The following MICAL3 variants were observed in gnomAD, a reference collection of about 807,000 sequenced individuals.
MICAL3 encodes the protein microtubule associated monooxygenase, calponin and LIM domain containing 3, also known as [F-actin]-monooxygenase MICAL3.
In MICAL3, 62 loss-of-function variants were observed where a neutral mutation model predicts 207.4. The ratio of observed to expected loss-of-function variants is 0.30; its 90% CI spans 0.24 to 0.37. The LOEUF is 0.37. Ranked by LOEUF, MICAL3 falls within the 10% of genes least tolerant of loss-of-function variation. The pLI is 1.00. For synonymous variants in MICAL3, 1,077 were observed against 1,069.3 expected (o/e 1.01, Z -0.14); for missense variants, 2,368 against 2,635.6 (o/e 0.90, Z 2.22).
At chr22:17,940,101 C>G (rs9617643) in intron 1 of MICAL3, among the ~76,000 whole-genome samples, 1 of 152,200 alleles carries the variant, frequency 6.6e-6, no homozygotes, top group Non-Finnish European at 1.5e-5. Context: ...AGGACAAAAG[C>G]TGAGGCAAGG....
chr22:17,850,897 T>C (rs1180031491), intron 19 of MICAL3, among the ~76,000 whole-genome samples: 1 of 152,198 alleles, frequency 6.6e-6, no homozygotes, highest in Non-Finnish European at 1.5e-5. Flanking sequence ...GCGGCTCTCC[T>C]GAAAACGTAT....
intron 1 of MICAL3, among the ~76,000 whole-genome samples, chr22:17,933,184 C>A (rs1475923377): frequency 6.6e-6 from 1 of 152,244 alleles, no homozygotes; most frequent in Non-Finnish European, 1.5e-5. Flanking sequence ...GTCAGCACCA[C>A]ATCGCACTTA....
intron 1 of MICAL3, among the ~76,000 whole-genome samples, chr22:17,964,374 T>C (rs1935054170): frequency 6.6e-6 from 1 of 152,212 alleles, no homozygotes. Context: ...ACACAGTAGC[T>C]GCTGGCTGAG....
intron 2 of MICAL3, 66 bp downstream of exon 2, chr22:17,906,483 C>T (rs1320182551): frequency 1.2e-6 from 2 of 1,611,174 alleles, no homozygotes; most frequent in African/African-American, 1.3e-5. Context: ...GCCAGAGATG[C>T]AAGACGTTGT....
intron 19 of MICAL3, chr22:17,863,993 A>G (rs1015569319): frequency 4.1e-6 from 4 of 985,546 alleles, no homozygotes; most frequent in African/African-American, 1.7e-5. Context: ...CTCTTGCCAC[A>G]GTGACCCTGG....
chr22:17,844,824 G>C (rs768563), intron 19 of MICAL3, among the ~76,000 whole-genome samples: 49,643 of 152,062 alleles, frequency 0.33, 8,804 homozygotes, highest in African/African-American at 0.48. Flanking sequence ...ATGTGGACTA[G>C]AGGTAATGGC....
chr22:17,863,023 A>T, intron 19 of MICAL3: 1 of 985,370 alleles, frequency 1.0e-6, no homozygotes, highest in Non-Finnish European at 1.2e-6. Flanking sequence ...TTTGCTCTTT[A>T]ACCACACTGC....
At chr22:17,819,295 T>G (rs1331676141) in intron 25 of MICAL3, among the ~76,000 whole-genome samples, 166 bp from the exon 26 acceptor site, 1 of 152,208 alleles carries the variant, frequency 6.6e-6, no homozygotes, top group African/African-American at 2.4e-5. Context: ...CTTTCCACTT[T>G]CTGCTCCAGG....
At chr22:17,852,610 A>G (rs1248844315) in intron 19 of MICAL3, among the ~76,000 whole-genome samples, 1 of 152,208 alleles carries the variant, frequency 6.6e-6, no homozygotes, top group Non-Finnish European at 1.5e-5. Context: ...ACTGATTCCA[A>G]GAGGAAATCA....
intron 1 of MICAL3, among the ~76,000 whole-genome samples, chr22:18,021,749 G>A (rs899340332): frequency 4.6e-5 from 7 of 152,148 alleles, no homozygotes; most frequent in Non-Finnish European, 1.0e-4. Flanking sequence ...TCTATGGTAG[G>A]GAGACCCTTC....
rs545887179 is a variant in MICAL3 at position 18,017,734 on chromosome 22, C to T, written c.-75+6547G>A. Among the ~76,000 whole-genome samples the T allele has an allele frequency of 5.3e-5, 8 of 150,186 alleles. No individual in the cohort carries two copies. In the East Asian group the frequency reaches 1.6e-3, roughly 30 times the overall value. On this transcript the variant is annotated intron_variant, in intron 1 of 31. Transcript: ENST00000441493. ...CCGAGTAGCTGGGATTACAGGTACC[C>T]GCCACCACACCCGGCTAATTTTTTT...
chr22:17,816,993 C>T (rs942662507), intron 26 of MICAL3, among the ~76,000 whole-genome samples: 6 of 151,726 alleles, frequency 4.0e-5, no homozygotes, highest in Non-Finnish European at 8.8e-5. Flanking sequence ...GCGGGTGGCA[C>T]CTAGGCCTGC....
In MICAL3 at chr22:17,841,759, CAG is replaced by C; in HGVS notation, c.2801+61_2801+62del. 6.7e-7 allele frequency: 1 copy of C among 1,496,318 alleles called. No individual in the cohort carries two copies. The highest frequency in any genetic ancestry group is 9.1e-7 in the Non-Finnish European group (1 of 1,104,780). The allele number at this position is 1,496,318 out of a possible 1,614,324, so 92.7% of individuals were successfully genotyped here. On this transcript the variant is annotated intron_variant, in intron 20 of 31. Coordinates refer to ENST00000441493, the MANE Select transcript of MICAL3 (RefSeq NM_015241.3). This position sits in a 1 kb window ranked among gnomAD's most constrained non-coding sequence, Gnocchi z 4.2. The stretch of plus-strand genomic sequence containing the variant: ...TTCACTGAGAAGAAACCGAGACACA[CAG>C]AGGTGAGGAGGCTCTTAGGGCCGTG...
chr22:17,844,849 G>A (rs1238086277), intron 19 of MICAL3, among the ~76,000 whole-genome samples: 2 of 152,198 alleles, frequency 1.3e-5, no homozygotes, highest in African/African-American at 4.8e-5. Flanking sequence ...AAGAGGCAGA[G>A]GGCAATCCTG....
chr22:18,003,388 C>T (rs1923171530), intron 1 of MICAL3, among the ~76,000 whole-genome samples: 2 of 152,172 alleles, frequency 1.3e-5, no homozygotes, highest in East Asian at 3.8e-4. Flanking sequence ...TCCCTTCCTT[C>T]TCATAATCAG....
intron 25 of MICAL3, 27 bp from the exon 26 acceptor site, chr22:17,819,156 T>C (rs747304601): frequency 3.5e-6 from 5 of 1,442,788 alleles, no homozygotes; most frequent in Non-Finnish European, 4.6e-6. Flanking sequence ...CAGAAGCCGC[T>C]GAGAAGGTGT....
chr22:17,935,495 A>G (rs951133958), intron 1 of MICAL3, among the ~76,000 whole-genome samples: 3 of 152,364 alleles, frequency 2.0e-5, no homozygotes, highest in Admixed American at 1.3e-4. Flanking sequence ...AACCTAGGCA[A>G]TATCATTCAG....
rs1013678417 is a variant in MICAL3 at position 17,793,061 on chromosome 22, C to T, written c.5651-1760G>A. Among the ~76,000 whole-genome samples the T allele has an allele frequency of 2.0e-5, 3 of 152,190 alleles. No individual in the cohort carries two copies. Among genetic ancestry groups the T allele is most frequent in the South Asian group, 4.1e-4 (2 of 4,834 alleles). On this transcript the variant is annotated intron_variant, in intron 29 of 31. Transcript: ENST00000441493. The surrounding 1 kb of genome is among the most constrained non-coding windows in gnomAD (Gnocchi z 4.1). The stretch of plus-strand genomic sequence containing the variant: ...AAGATACAGAAAATGCCACCGGAGA[C>T]GTGCGGACAGCGCTCACTAGCTATG...
At chr22:17,976,574 TATATATATATA>T (rs1935653244) in intron 1 of MICAL3, among the ~76,000 whole-genome samples, 2 of 95,234 alleles carry the variant, frequency 2.1e-5, no homozygotes, top group African/African-American at 1.0e-4. Context: ...TATATATATA[TATATATATATA>T]TATATTTTTT....
Sources: gnomAD v4.1 joint callset for allele counts (sites outside exome capture counted in the v4.1 genomes callset) on GRCh38, gnomAD v4.1.1 for gene constraint, Gnocchi (gnomAD v3.1) non-coding constraint, MANE v1.5 for transcripts, NCBI Gene and HGNC (gene_info 2026-07-23, HGNC 2026-07-21) for gene names.